Variants in JAK2 observed in about 807,000 individuals in gnomAD.
JAK2 encodes tyrosine-protein kinase JAK2.
Under a neutral mutation model 139.3 loss-of-function variants are expected in JAK2, and 86 were observed. The observed-to-expected ratio is 0.62, with a 90% CI of 0.52 to 0.74. The LOEUF (loss-of-function observed/expected upper bound fraction) is 0.74. JAK2 is among the 30% of genes least tolerant of loss of function. The pLI, the probability that JAK2 is intolerant of heterozygous loss-of-function variation, is 0.00. For missense variants in JAK2, 1,421 were observed against 1,360.3 expected (o/e 1.04, Z -0.70); for synonymous variants, 490 against 437.7 (o/e 1.12, Z -1.49).
At chr9:5,013,005 T>A (rs900391493) in intron 2 of JAK2, among the ~76,000 whole-genome samples, 9 of 152,186 alleles carry the variant, frequency 5.9e-5, no homozygotes, top group Non-Finnish European at 1.3e-4. Flanking sequence ...ATGGATGGAT[T>A]TGAAATATAG....
chr9:5,047,709 C>A (rs577005628), intron 5 of JAK2, among the ~76,000 whole-genome samples: 1 of 152,216 alleles, frequency 6.6e-6, no homozygotes, highest in Non-Finnish European at 1.5e-5. Context: ...CTTGCTTCAG[C>A]CTGTCAGCCT....
Position 5,127,657 on chromosome 9 carries a change from T to G in JAK2, c.*866T>G, listed in dbSNP as rs1479448352. On this transcript the variant is annotated 3_prime_UTR_variant, in exon 25 of 25. Coordinates refer to ENST00000381652, the MANE Select transcript of JAK2 (RefSeq NM_004972.4). ...AGAATGCCAGGAATATTGTCATCCT[T>G]TGAGCTGCTGACTGCCAATAACATT... 4.3e-6 allele frequency: 1 copy of G among 232,062 alleles called. No individual in the cohort carries two copies. The highest frequency in any genetic ancestry group is 8.6e-6 in the Non-Finnish European group (1 of 116,938). The allele number at this position is 232,062 out of a possible 1,614,324, so 14.4% of individuals were successfully genotyped here.
rs149757596 is a variant in JAK2 at position 5,079,248 on chromosome 9, T to C, written c.2131+804T>C. ...TCGGAAGTGAAGATGGAAAAAAATGTATTCATATGGTGAAGGTATTTGTCA... is the reference window on the plus strand; with the variant it reads ...TCGGAAGTGAAGATGGAAAAAAATGCATTCATATGGTGAAGGTATTTGTCA... On this transcript the variant is annotated intron_variant, in intron 16 of 24. Coordinates refer to ENST00000381652, the MANE Select transcript of JAK2 (RefSeq NM_004972.4). Among the ~76,000 whole-genome samples, 297 of 151,960 alleles carry C rather than the reference T, an allele frequency of 2.0e-3. 1 individual carries two copies. The highest frequency in any genetic ancestry group is 0.01 in the Middle Eastern group (3 of 294).
chr9:5,052,577 C>G (rs1817492773), intron 6 of JAK2, among the ~76,000 whole-genome samples: 1 of 151,962 alleles, frequency 6.6e-6, no homozygotes, highest in Non-Finnish European at 1.5e-5. Context: ...ATAAAGATGA[C>G]CAGAATCTAA....
chr9:5,064,873 C>G lies in JAK2; in HGVS notation c.1057-10C>G, dbSNP rs556861820. 58 of 1,518,990 alleles carry G rather than the reference C, an allele frequency of 3.8e-5. 3 individuals are homozygous for G. The South Asian group carries it at 7.4e-4, about 19-fold the overall frequency. The allele number at this position is 1,518,990 out of a possible 1,614,324, so 94.1% of individuals were successfully genotyped here. On this transcript the variant is annotated splice_polypyrimidine_tract_variant and intron_variant, in intron 8 of 24. Coordinates refer to ENST00000381652, the MANE Select transcript of JAK2 (RefSeq NM_004972.4). ...AAAAGGTGCTATTTCTTTTTCTTTTCTCTGCTTAGGAAATTGAACTTAGCT... is the reference window on the plus strand; with the variant it reads ...AAAAGGTGCTATTTCTTTTTCTTTTGTCTGCTTAGGAAATTGAACTTAGCT...
In JAK2 at chr9:5,029,813, C is replaced by T. The variant is rs2130152611; in HGVS notation, c.257C>T (p.Ala86Val). 1 of 1,611,172 alleles carries T rather than the reference C, an allele frequency of 6.2e-7. No individual in the cohort carries two copies. Among genetic ancestry groups the T allele is most frequent in the Non-Finnish European group, 8.5e-7 (1 of 1,177,902 alleles). The part of the protein sequence containing the change: ...GITPVYHNMF[A>V]LMSETERIWY... Reference sequence around the variant, plus strand: ...ACACCTGTGTATCATAATATGTTTGCTTTAATGAGTGAAACAGAAAGGATC... The same window carrying T: ...ACACCTGTGTATCATAATATGTTTGTTTTAATGAGTGAAACAGAAAGGATC... Residue 86 changes from alanine (A) to valine (V), a missense_variant, in exon 4 of 25, where the codon GCT becomes GTT. Transcript: ENST00000381652.
intron 22 of JAK2, among the ~76,000 whole-genome samples, chr9:5,092,416 G>C (rs1414668572): frequency 6.6e-6 from 1 of 152,046 alleles, no homozygotes; most frequent in Non-Finnish European, 1.5e-5. Context: ...ACAAAGTGTC[G>C]CTTAACCCAA....
At chr9:5,033,234 T>C (rs1448317933) in intron 4 of JAK2, among the ~76,000 whole-genome samples, 1 of 152,130 alleles carries the variant, frequency 6.6e-6, no homozygotes, top group Non-Finnish European at 1.5e-5. Context: ...CTTCAAGAAA[T>C]ATGGGACTAT....
chr9:5,102,291 G>T (rs1050544993), intron 22 of JAK2, among the ~76,000 whole-genome samples: 5 of 152,156 alleles, frequency 3.3e-5, no homozygotes, highest in Non-Finnish European at 5.9e-5. Context: ...AAGGGTATCA[G>T]TGATTGAAGA....
chr9:5,043,160 CG>C (rs1184054348), intron 4 of JAK2, among the ~76,000 whole-genome samples: 5 of 152,194 alleles, frequency 3.3e-5, no homozygotes, highest in Non-Finnish European at 5.9e-5. Flanking sequence ...GGTCTGCGGG[CG>C]GCCCTGGACT....
intron 2 of JAK2, among the ~76,000 whole-genome samples, chr9:5,002,435 T>C (rs1820979349): frequency 6.6e-6 from 1 of 151,972 alleles, no homozygotes; most frequent in Admixed American, 6.6e-5. Context: ...TACTGGGAGA[T>C]TTTCTAGATA....
chr9:5,037,779 C>G (rs1214269865), intron 4 of JAK2, among the ~76,000 whole-genome samples: 3 of 152,086 alleles, frequency 2.0e-5, no homozygotes, highest in East Asian at 3.9e-4. Context: ...CTGGGTGCAG[C>G]ACACCAACAT....
chr9:4,990,898 C>G (rs1254480122), intron 2 of JAK2, among the ~76,000 whole-genome samples: 1 of 152,122 alleles, frequency 6.6e-6, no homozygotes, highest in Admixed American at 6.6e-5. Flanking sequence ...ATCACTAGGA[C>G]TAAGGATGAG....
At chr9:5,117,745 A>G (rs2130832241) in intron 22 of JAK2, among the ~76,000 whole-genome samples, 1 of 152,208 alleles carries the variant, frequency 6.6e-6, no homozygotes. Flanking sequence ...ACTCACAGAA[A>G]CAAAAGTTTT....
intron 22 of JAK2, chr9:5,111,728 G>A (rs1822568464): frequency 4.6e-6 from 2 of 432,326 alleles, no homozygotes; most frequent in South Asian, 3.4e-5. Flanking sequence ...GCACGAGCGC[G>A]TGGGCTACCG....
intron 2 of JAK2, among the ~76,000 whole-genome samples, chr9:5,006,690 A>G (rs369346550): frequency 1.5e-4 from 23 of 152,316 alleles, no homozygotes; most frequent in African/African-American, 5.5e-4. Flanking sequence ...ATCTCATGCA[A>G]ACTCACTCAC....
chr9:5,114,626 C>A (rs929470114), intron 22 of JAK2: 1 of 483,600 alleles, frequency 2.1e-6, no homozygotes. Context: ...AGCTCCCGGA[C>A]ACTTGGCACA....
At position 5,089,681 on chromosome 9, in the gene JAK2, T is replaced by A; in HGVS notation, c.2579T>A (p.Phe860Tyr). 1 of 1,374,094 alleles carries A rather than the reference T, an allele frequency of 7.3e-7. No individual in the cohort carries two copies. The highest frequency in any genetic ancestry group is 9.5e-7 in the Non-Finnish European group (1 of 1,054,476). 85.1% of individuals were successfully genotyped at this position (1,374,094 alleles called of 1,614,324 possible). A position where few individuals can be genotyped will look rare whatever the true frequency, so the allele number is the denominator to read the frequency against. ...KFLQQLGKGNFGSVEMCRYDP... is the reference protein window; with the variant it reads ...KFLQQLGKGNYGSVEMCRYDP... ...ATGTGATGTGTCATTTAGGGTAATT[T>A]TGGGAGTGTGGAGATGTGCCGGTAT... Residue 860 changes from phenylalanine (F) to tyrosine (Y), a missense_variant, in exon 20 of 25, where the codon TTT becomes TAT. Phe to Tyr is a conservative substitution (Grantham distance 22). Coordinates refer to ENST00000381652, the MANE Select transcript of JAK2 (RefSeq NM_004972.4).
chr9:5,097,453 C>G (rs1412087513), intron 22 of JAK2: 1 of 152,058 alleles, frequency 6.6e-6, no homozygotes, highest in Non-Finnish European at 1.5e-5. Flanking sequence ...AAAAAAGGAG[C>G]CATTTGGGTA....
Sources: gnomAD v4.1 joint callset for allele counts (sites outside exome capture counted in the v4.1 genomes callset) on GRCh38, gnomAD v4.1.1 for gene constraint, MANE v1.5 for transcripts, NCBI Gene and HGNC (gene_info 2026-07-23, HGNC 2026-07-21) for gene names.